Variants in STX6 observed in about 807,000 individuals in gnomAD.
The protein encoded by STX6 is syntaxin-6.
A neutral mutation model predicts 38.0 loss-of-function variants in STX6; 23 were observed. The observed-to-expected ratio is 0.60, with a 90% confidence interval of 0.43 to 0.86. The LOEUF (loss-of-function observed/expected upper bound fraction) is 0.86, where lower values mean the gene tolerates loss of function less well. STX6 is among the 40% of genes least tolerant of loss of function. The probability of loss-of-function intolerance (pLI) is 0.00; values close to 1 mark genes in which losing one functional copy is unlikely to be tolerated. For missense variants in STX6, 274 were observed against 312.9 expected, an observed-to-expected ratio of 0.88 and a Z score of 0.94; for synonymous variants, 123 against 107.5, an observed-to-expected ratio of 1.14 and a Z score of -0.89.
chr1:181,022,214 C>A (rs1004154682), intron 1 of STX6, among the ~76,000 whole-genome samples: 9 of 151,916 alleles, frequency 5.9e-5, no homozygotes, highest in African/African-American at 2.2e-4. Context: ...CCCCCGTCAA[C>A]GCGAACTACA....
intron 7 of STX6, among the ~76,000 whole-genome samples, chr1:180,981,042 G>A (rs1208049657): frequency 6.6e-6 from 1 of 152,130 alleles, no homozygotes; most frequent in African/African-American, 2.4e-5. Context: ...ATAAACAGGT[G>A]GAACACAGGA....
chr1:181,001,859 T>C (rs1470394046), intron 3 of STX6, among the ~76,000 whole-genome samples: 1 of 152,198 alleles, frequency 6.6e-6, no homozygotes, highest in African/African-American at 2.4e-5. Context: ...AGCCAGCAGA[T>C]TACTGTCTCA....
intron 2 of STX6, among the ~76,000 whole-genome samples, chr1:181,004,916 A>T (rs758354292): frequency 9.3e-5 from 14 of 151,146 alleles, no homozygotes; most frequent in Non-Finnish European, 1.5e-4. Context: ...CAGAAATATC[A>T]TACTGACTTG....
chr1:180,983,815 A>G (rs1237340800), intron 7 of STX6, among the ~76,000 whole-genome samples: 1 of 152,160 alleles, frequency 6.6e-6, no homozygotes, highest in African/African-American at 2.4e-5. Flanking sequence ...CTGTAATCCC[A>G]GCACTTTGGG....
intron 6 of STX6, among the ~76,000 whole-genome samples, chr1:180,987,553 G>A (rs1260705422): frequency 2.6e-5 from 4 of 152,312 alleles, no homozygotes; most frequent in Middle Eastern, 3.4e-3. Flanking sequence ...AATGTGTCAT[G>A]ATAAACGTAA....
At chr1:181,017,191 C>T (rs1247099565) in intron 1 of STX6, among the ~76,000 whole-genome samples, 2 of 151,918 alleles carry the variant, frequency 1.3e-5, no homozygotes, top group Non-Finnish European at 2.9e-5. Context: ...TCGAGACCAT[C>T]CTGGCTAACA....
At chr1:181,008,311 T>C (rs776044989) in intron 1 of STX6, among the ~76,000 whole-genome samples, 7 of 152,218 alleles carry the variant, frequency 4.6e-5, no homozygotes, top group Non-Finnish European at 1.0e-4. Context: ...GAGATTCCGT[T>C]ATCCAAAATG....
intron 1 of STX6, among the ~76,000 whole-genome samples, chr1:181,011,790 G>T (rs1261142943): frequency 6.6e-6 from 1 of 152,118 alleles, no homozygotes. Flanking sequence ...ACCCACAAAT[G>T]TCTACCCACC....
At chr1:181,015,425 AAG>A (rs1293428393) in intron 1 of STX6, among the ~76,000 whole-genome samples, 1 of 152,174 alleles carries the variant, frequency 6.6e-6, no homozygotes, top group Non-Finnish European at 1.5e-5. Context: ...TTGTCTAGAC[AAG>A]AGTCATTTTT....
chr1:181,018,759 C>G (rs1460672092), intron 1 of STX6, among the ~76,000 whole-genome samples: 1 of 152,140 alleles, frequency 6.6e-6, no homozygotes, highest in Non-Finnish European at 1.5e-5. Context: ...CCTTTTTCAT[C>G]TTTCCTCACA....
chr1:181,008,839 A>G (rs1037056406), intron 1 of STX6, among the ~76,000 whole-genome samples: 17 of 151,342 alleles, frequency 1.1e-4, no homozygotes, highest in African/African-American at 3.9e-4. Context: ...TTGTGAGAAA[A>G]TATCTCGAGA....
chr1:180,987,095 C>G (rs1655608974), intron 6 of STX6, among the ~76,000 whole-genome samples: 3 of 152,202 alleles, frequency 2.0e-5, no homozygotes, highest in Admixed American at 2.0e-4. Context: ...CCTTACCATG[C>G]TGACAAGGCC....
intron 1 of STX6, among the ~76,000 whole-genome samples, chr1:181,022,258 A>C (rs1223699981): frequency 1.3e-5 from 2 of 152,094 alleles, no homozygotes; most frequent in Non-Finnish European, 2.9e-5. Flanking sequence ...TTTCCTGCCC[A>C]GATGCTGTTT....
Position 180,993,369 on chromosome 1 carries a change from A to AT in STX6, c.356dup (p.Asn119LysfsTer2). 3 of 1,562,400 alleles carry AT rather than the reference A, an allele frequency of 1.9e-6. No individual in the cohort carries two copies. Among genetic ancestry groups the AT allele is most frequent in the Non-Finnish European group, 2.6e-6 (3 of 1,134,360 alleles). On this transcript the variant is annotated frameshift_variant, in exon 4 of 8. Coordinates refer to ENST00000258301, the MANE Select transcript of STX6 (RefSeq NM_005819.6). LOFTEE classifies it high-confidence loss of function. ...TATTCTGATGTTTTCTCACCTGTCTATTTTTTCTTTCAGCTAATGCCTGCA... is the reference window on the plus strand; with the variant it reads ...TATTCTGATGTTTTCTCACCTGTCTATTTTTTTCTTTCAGCTAATGCCTGCA...
intron 7 of STX6, among the ~76,000 whole-genome samples, chr1:180,984,274 G>A (rs993089650): frequency 1.2e-4 from 18 of 151,714 alleles, no homozygotes; most frequent in Admixed American, 3.3e-4. Flanking sequence ...AGCTAGGCAC[G>A]GTGGCTCACG....
chr1:181,020,454 A>C (rs1056632146), intron 1 of STX6, among the ~76,000 whole-genome samples: 2 of 152,226 alleles, frequency 1.3e-5, no homozygotes, highest in African/African-American at 4.8e-5. Flanking sequence ...GGCTACTAGA[A>C]AATGTAAAAT....
At chr1:180,994,058 A>C (rs1231532084) in intron 3 of STX6, among the ~76,000 whole-genome samples, 2 of 152,216 alleles carry the variant, frequency 1.3e-5, no homozygotes, top group Non-Finnish European at 2.9e-5. Flanking sequence ...GTGGTGTCAA[A>C]AATAATTTTG....
At chr1:181,021,343 G>A (rs952916032) in intron 1 of STX6, among the ~76,000 whole-genome samples, 1 of 152,046 alleles carries the variant, frequency 6.6e-6, no homozygotes, top group East Asian at 1.9e-4. Context: ...CATATTACCA[G>A]TAAATTTACA....
At chr1:181,022,517 C>T in intron 1 of STX6, 122 bp downstream of exon 1, 1 of 991,788 alleles carries the variant, frequency 1.0e-6, no homozygotes, top group Non-Finnish European at 1.5e-6. Flanking sequence ...TAAGCCGTCT[C>T]CACTGTTCCC....
Sources: allele counts gnomAD v4.1 joint callset (sites outside exome capture counted in the v4.1 genomes callset), GRCh38; gene constraint gnomAD v4.1.1; transcripts MANE v1.5; gene names NCBI Gene and HGNC (gene_info 2026-07-23, HGNC 2026-07-21).